SYMPK: variants seen among roughly 807,000 people sequenced by gnomAD.
The protein encoded by SYMPK is symplekin scaffold protein, also known as symplekin.
SYMPK carries 49 observed loss-of-function variants against 136.4 expected under a neutral mutation model. The observed-to-expected ratio is 0.36, with a 90% confidence interval of 0.29 to 0.46. SYMPK has a LOEUF of 0.46. Ranked by LOEUF, SYMPK falls within the 20% of genes least tolerant of loss-of-function variation. The pLI, the probability that SYMPK is intolerant of heterozygous loss-of-function variation, is 1.00. For synonymous variants in SYMPK, 766 were observed against 713.0 expected, an observed-to-expected ratio of 1.07 and a Z score of -1.19; for missense variants, 1,365 against 1,690.0, an observed-to-expected ratio of 0.81 and a Z score of 3.37.
Position 45,828,738 on chromosome 19 carries a change from G to A in SYMPK, c.1985+232C>T, listed in dbSNP as rs571713327. 6 of 577,612 alleles carry A rather than the reference G, an allele frequency of 1.0e-5. No homozygotes were observed. The Admixed American group carries it at 1.8e-4, about 18-fold the overall frequency. The allele number at this position is 577,612 out of a possible 1,614,324, so 35.8% of individuals were successfully genotyped here. Reference sequence around the variant, plus strand: ...CAAAGCCACGCAGAGCAAGCTCAGAGCAAGTGGCAGAGCTGAGGAACAGCT... The same window carrying A: ...CAAAGCCACGCAGAGCAAGCTCAGAACAAGTGGCAGAGCTGAGGAACAGCT... On this transcript the variant is annotated intron_variant, in intron 14 of 26. Coordinates refer to ENST00000245934, the MANE Select transcript of SYMPK (RefSeq NM_004819.3).
intron 18 of SYMPK, 21 bp from the exon 19 acceptor site, chr19:45,823,896 G>C (rs763646940): frequency 6.2e-7 from 1 of 1,604,428 alleles, no homozygotes; most frequent in South Asian, 1.1e-5. Context: ...AGACAGGGAT[G>C]ACCAGACCCA....
chr19:45,834,088 C>G (rs1465458569), intron 11 of SYMPK, among the ~76,000 whole-genome samples: 2 of 152,168 alleles, frequency 1.3e-5, no homozygotes, highest in Non-Finnish European at 2.9e-5. Context: ...GAGGTGGAGA[C>G]CATCCTGGCT....
At chr19:45,833,310 G>A (rs1243735391) in intron 11 of SYMPK, among the ~76,000 whole-genome samples, 4 of 152,066 alleles carry the variant, frequency 2.6e-5, no homozygotes, top group Non-Finnish European at 5.9e-5. Context: ...TCAAGAATAG[G>A]TAAAACTAGG....
intron 8 of SYMPK, 21 bp downstream of exon 8, chr19:45,844,008 AG>A (rs1971505231): frequency 5.7e-6 from 5 of 876,632 alleles, no homozygotes; most frequent in Non-Finnish European, 6.2e-6. Flanking sequence ...AGGCAGGGGG[AG>A]GGGGGAGGAC....
At position 45,828,672 on chromosome 19, in the gene SYMPK, CTGTTATT is replaced by C. The variant is rs1971101737; in HGVS notation, c.1985+291_1985+297del. ...CTATCTCCAGGCCCATGGGTGAGCA[CTGTTATT>C]TACAGATGGGAAAATGGCAGAGAGA... On this transcript the variant is annotated intron_variant, in intron 14 of 26. Coordinates refer to ENST00000245934, the MANE Select transcript of SYMPK (RefSeq NM_004819.3). 3 of 460,030 alleles carry C rather than the reference CTGTTATT, an allele frequency of 6.5e-6. No individual in the cohort carries two copies. In the South Asian group the frequency reaches 7.6e-5, roughly 12 times the overall value. The allele number at this position is 460,030 out of a possible 1,614,324, so 28.5% of individuals were successfully genotyped here. A position where few individuals can be genotyped will look rare whatever the true frequency, so the allele number is the denominator to read the frequency against.
At position 45,852,295 on chromosome 19, in the gene SYMPK, C is replaced by T. The variant is rs767813248; in HGVS notation, c.299+17G>A. On this transcript the variant is annotated intron_variant, in intron 5 of 26. Transcript: ENST00000245934. ...ACCAGTGAGAATGCTCCCGGGGCTC[C>T]GTGCCTCGCCCCATACCATGCCTCC... 1.3e-5 allele frequency: 21 copies of T among 1,613,976 alleles called. No individual in the cohort carries two copies. The highest frequency in any genetic ancestry group is 4.5e-5 in the East Asian group (2 of 44,896).
At chr19:45,843,472 A>G (rs1325856603) in intron 8 of SYMPK, among the ~76,000 whole-genome samples, 2 of 152,134 alleles carry the variant, frequency 1.3e-5, no homozygotes, top group Admixed American at 6.6e-5. Context: ...GGACTGGAAT[A>G]TTTGAAAGTA....
intron 10 of SYMPK, among the ~76,000 whole-genome samples, chr19:45,837,380 G>C (rs1380428266): frequency 6.6e-6 from 1 of 152,112 alleles, no homozygotes; most frequent in Non-Finnish European, 1.5e-5. Flanking sequence ...CACTTTGGGA[G>C]GCCATGGTGG....
chr19:45,817,208 A>T, intron 23 of SYMPK: 1 of 517,266 alleles, frequency 1.9e-6, no homozygotes. Context: ...GCCGCCTTTT[A>T]CCAGAGCTCC....
Position 45,822,865 on chromosome 19 carries a change from G to C in SYMPK, c.2701-19C>G, listed in dbSNP as rs765220530. 3 of 1,591,296 alleles carry C rather than the reference G, an allele frequency of 1.9e-6. No individual in the cohort carries two copies. Among genetic ancestry groups the C allele is most frequent in the South Asian group, 1.1e-5 (1 of 90,488 alleles). On this transcript the variant is annotated intron_variant, in intron 20 of 26. Transcript: ENST00000245934. Reference sequence around the variant, plus strand: ...CCTCTTTCTACAGGGAGAAGGTGGTGGGGGTGGGAGTTGAGTCACATACAC... The same window carrying C: ...CCTCTTTCTACAGGGAGAAGGTGGTCGGGGTGGGAGTTGAGTCACATACAC...
intron 1 of SYMPK, 77 bp downstream of exon 1, chr19:45,862,981 C>T (rs1315626526): frequency 1.0e-5 from 4 of 382,872 alleles, no homozygotes; most frequent in Non-Finnish European, 1.8e-5. Context: ...CACGGCGATG[C>T]CCTCCCCGCC....
Position 45,815,933 on chromosome 19 carries a change from C to T in SYMPK, c.3605G>A (p.Gly1202Asp), listed in dbSNP as rs1970721531. Residue 1202 changes from glycine (G) to aspartate (D), a missense_variant, in exon 26 of 27, where the codon GGC (glycine) becomes GAC (aspartate). By Grantham distance (94) the Gly-to-Asp change is moderately conservative (BLOSUM62 -1). Coordinates refer to ENST00000245934, the MANE Select transcript of SYMPK (RefSeq NM_004819.3). The stretch of plus-strand genomic sequence containing the variant: ...GTCGTCATCCATGCTGATGAAGATG[C>T]CCGGGGTCTCGCACTCAGGCCCCTC... ...REEGPECETP[G>D]IFISMDDDSG... 1 of 1,611,940 alleles carries T rather than the reference C, an allele frequency of 6.2e-7. No individual in the cohort carries two copies. The highest frequency in any genetic ancestry group is 8.5e-7 in the Non-Finnish European group (1 of 1,179,728).
In SYMPK at chr19:45,827,866, C is replaced by G; in HGVS notation, c.2038G>C (p.Glu680Gln). Residue 680 changes from glutamate (E) to glutamine (Q), a missense_variant, in exon 15 of 27, where the codon GAG becomes CAG. Coordinates refer to ENST00000245934, the MANE Select transcript of SYMPK (RefSeq NM_004819.3). ...EAPLITESAL[E>Q]VVRKYCEDES... is the part of the protein sequence containing the mutation. ...TCCTCGCAGTACTTGCGGACCACCT[C>G]CAGGGCACTCTCTGTGATGAGTGGC... 3 of 1,614,064 alleles carry G rather than the reference C, an allele frequency of 1.9e-6. No individual in the cohort carries two copies. Among genetic ancestry groups the G allele is most frequent in the Non-Finnish European group, 2.5e-6 (3 of 1,180,044 alleles).
Position 45,825,300 on chromosome 19 carries a change from C to T in SYMPK, c.2361G>A (p.Val787=), listed in dbSNP as rs768039247. Reference sequence around the variant, plus strand: ...CCAGGTAGAGGTACAGACACTGCTTCACTGTCTCCTCCGTCCAGGGTGCTG... The same window carrying T: ...CCAGGTAGAGGTACAGACACTGCTTTACTGTCTCCTCCGTCCAGGGTGCTG... ...EVAAPWTEET[V]KQCLYLYLAL... The change falls in exon 18 of 27, where the codon GTG becomes GTA. Residue 787 remains valine, a synonymous_variant. Transcript: ENST00000245934. The T allele has an allele frequency of 1.2e-6, 2 of 1,614,156 alleles. No individual in the cohort carries two copies. The highest frequency in any genetic ancestry group is 1.1e-5 in the South Asian group (1 of 91,092).
chr19:45,842,719 A>G, intron 8 of SYMPK: 1 of 553,822 alleles, frequency 1.8e-6, no homozygotes, highest in Non-Finnish European at 3.1e-6. Flanking sequence ...CCTCTCTTTT[A>G]GTAAATACAT....
intron 7 of SYMPK, among the ~76,000 whole-genome samples, chr19:45,844,606 C>G (rs140278059): frequency 0.031 from 4,652 of 151,788 alleles, 231 homozygotes; most frequent in African/African-American, 0.11. Context: ...ACCCAGGAGG[C>G]AGAGGTTGCA....
Position 45,847,854 on chromosome 19 carries a change from C to T in SYMPK, c.574G>A (p.Val192Ile). ...TCAGCCATGCGGGGTGACAGGGTGA[C>T]AATGAGGCCCTCCACAAACTTGATG... ...HAIKFVEGLI[V>I]TLSPRMADSE... Residue 192 changes from valine to isoleucine, a missense_variant, in exon 7 of 27, where the codon GTC (valine) becomes ATC (isoleucine). Val to Ile is a conservative substitution (Grantham distance 29). This residue lies in a region of SYMPK where 237 missense variants were observed against 292.9 expected (regional missense o/e 0.81). Coordinates refer to ENST00000245934, the MANE Select transcript of SYMPK (RefSeq NM_004819.3). The T allele has an allele frequency of 6.2e-7, 1 of 1,614,018 alleles. No homozygotes were observed. The highest frequency in any genetic ancestry group is 2.2e-5 in the East Asian group (1 of 44,880).
At chr19:45,848,677 T>G in intron 6 of SYMPK, 73 bp downstream of exon 6, 3 of 1,600,570 alleles carry the variant, frequency 1.9e-6, no homozygotes, top group Non-Finnish European at 2.6e-6. Context: ...ATGCTGGTTT[T>G]GAACCCCAAC....
intron 23 of SYMPK, 119 bp downstream of exon 23, chr19:45,817,840 G>A: frequency 1.0e-5 from 11 of 1,078,388 alleles, no homozygotes; most frequent in Non-Finnish European, 1.4e-5. Flanking sequence ...GCAGGAGGCA[G>A]AGCAGAGCCT....
Sources: allele counts gnomAD v4.1 joint callset (sites outside exome capture counted in the v4.1 genomes callset), GRCh38; gene constraint gnomAD v4.1.1; regional missense constraint gnomAD v4.1.1; transcripts MANE v1.5; gene names NCBI Gene and HGNC (gene_info 2026-07-23, HGNC 2026-07-21).